The following DIP2A variants were observed in gnomAD, a reference collection of about 807,000 sequenced individuals.
The protein encoded by DIP2A is disco-interacting protein 2 homolog A.
DIP2A carries 85 observed loss-of-function variants against 177.4 expected under a neutral mutation model. The ratio of observed to expected loss-of-function variants is 0.48; its 90% CI spans 0.40 to 0.57. DIP2A has a LOEUF of 0.57. Ranked by LOEUF, DIP2A falls within the 20% of genes least tolerant of loss-of-function variation. The pLI is 0.00. For missense variants in DIP2A, 1,791 were observed against 2,100.2 expected (o/e 0.85, Z 2.88); for synonymous variants, 886 against 881.8 (o/e 1.00, Z -0.08).
chr21:46,502,437 ATTTTTTTT>A (rs36011338), intron 5 of DIP2A, among the ~76,000 whole-genome samples: 4 of 44,834 alleles, frequency 8.9e-5, no homozygotes, highest in Non-Finnish European at 1.1e-4. Context: ...GCTAGTGTTG[ATTTTTTTT>A]TTTTTTTTTT....
intron 8 of DIP2A, among the ~76,000 whole-genome samples, chr21:46,517,844 A>T (rs931788433): frequency 6.6e-6 from 1 of 152,240 alleles, no homozygotes; most frequent in Non-Finnish European, 1.5e-5. Context: ...ATCCCTGAAC[A>T]TGGACAGCGT....
chr21:46,528,783 C>A (rs1006217843), intron 8 of DIP2A, among the ~76,000 whole-genome samples: 1 of 151,872 alleles, frequency 6.6e-6, no homozygotes. Flanking sequence ...CTGCCTCGTC[C>A]TTCCAAAGTA....
chr21:46,538,555 G>C lies in DIP2A; in HGVS notation c.1874G>C (p.Ser625Thr), dbSNP rs770033392. 1 of 1,565,294 alleles carries C rather than the reference G, an allele frequency of 6.4e-7. No homozygotes were observed. Among genetic ancestry groups the C allele is most frequent in the Non-Finnish European group, 8.6e-7 (1 of 1,157,222 alleles). The change falls in exon 16 of 38, where the codon AGC (serine) becomes ACC (threonine). Residue 625 changes from serine (S) to threonine (T), a missense_variant. Coordinates refer to ENST00000417564, the MANE Select transcript of DIP2A (RefSeq NM_015151.4). ...LLAQRGQRDV[S>T]LSSLRMLIVA... Reference sequence around the variant, plus strand: ...GCTCAGCGGGGCCAGAGGGACGTCAGCCTCAGCTCACTGCGCATGCTGATT... The same window carrying C: ...GCTCAGCGGGGCCAGAGGGACGTCACCCTCAGCTCACTGCGCATGCTGATT...
At chr21:46,579,520 C>G in the DIP2A span, among the ~76,000 whole-genome samples, 2 of 151,734 alleles carry the variant, frequency 1.3e-5, no homozygotes, top group Non-Finnish European at 1.5e-5. Flanking sequence ...GCTCTTGGTT[C>G]TCTAGTTCTT....
At chr21:46,551,985 G>T in intron 25 of DIP2A, 81 bp downstream of exon 25, 1 of 1,451,540 alleles carries the variant, frequency 6.9e-7, no homozygotes, top group Non-Finnish European at 9.3e-7. Flanking sequence ...CATGGTGCCA[G>T]TGTCCTGGTT....
At chr21:46,546,816 C>A (rs1439432339) in intron 20 of DIP2A, 99 bp from the exon 21 acceptor site, 12 of 1,410,486 alleles carry the variant, frequency 8.5e-6, no homozygotes, top group Non-Finnish European at 1.2e-5. Context: ...CTAGAGGCTC[C>A]TGTGCTGTTG....
Position 46,498,452 on chromosome 21 carries a change from T to C in DIP2A, c.404-130T>C. On this transcript the variant is annotated intron_variant, in intron 4 of 37. Transcript: ENST00000417564. The surrounding 1 kb of genome is among the most constrained non-coding windows in gnomAD (Gnocchi z 4.3). Reference sequence around the variant, plus strand: ...GACCTTTGAGCTGACTGCGTGGCTTTGGGCAGAGCTGTGCCAGGTGTACAG... The same window carrying C: ...GACCTTTGAGCTGACTGCGTGGCTTCGGGCAGAGCTGTGCCAGGTGTACAG... 2 of 1,152,790 alleles carry C rather than the reference T, an allele frequency of 1.7e-6. No homozygotes were observed. Among genetic ancestry groups the C allele is most frequent in the Non-Finnish European group, 2.5e-6 (2 of 814,792 alleles). 71.4% of individuals were successfully genotyped at this position (1,152,790 alleles called of 1,614,324 possible).
intron 13 of DIP2A, among the ~76,000 whole-genome samples, chr21:46,536,831 G>A (rs2059593664): frequency 6.6e-6 from 1 of 151,898 alleles, no homozygotes. Context: ...TTGAACCTGG[G>A]AGGCGGAGGT....
chr21:46,550,179 A>G, intron 22 of DIP2A: 1 of 796,662 alleles, frequency 1.3e-6, no homozygotes, highest in South Asian at 2.1e-5. Flanking sequence ...TTTGAAATGT[A>G]CATTATTATA....
At chr21:46,562,467 C>G (rs574827640) in intron 34 of DIP2A, among the ~76,000 whole-genome samples, 8 of 152,304 alleles carry the variant, frequency 5.3e-5, no homozygotes, top group African/African-American at 1.9e-4. Flanking sequence ...GCTTGGCCAC[C>G]CTGACTCCGT....
intron 21 of DIP2A, among the ~76,000 whole-genome samples, chr21:46,549,039 A>C (rs1176885968): frequency 2.0e-5 from 3 of 152,374 alleles, no homozygotes; most frequent in Non-Finnish European, 4.4e-5. Flanking sequence ...GTTTTGGTCA[A>C]GATACTAAGA....
At chr21:46,494,228 TG>T (rs373871029) in intron 3 of DIP2A, among the ~76,000 whole-genome samples, 58 of 152,348 alleles carry the variant, frequency 3.8e-4, no homozygotes, top group African/African-American at 1.4e-3. Flanking sequence ...ACATTGCAGT[TG>T]GTTGGTAAGT....
chr21:46,459,095 G>T lies in DIP2A; in HGVS notation c.-37G>T. ...GCGCTGCCGCCGCCAGGCCCGGTCC[G>T]GTTCCAGCCTCTGCCCGGACGCTAG... On this transcript the variant is annotated 5_prime_UTR_variant, in exon 1 of 38. Coordinates refer to ENST00000417564, the MANE Select transcript of DIP2A (RefSeq NM_015151.4). 7.0e-7 allele frequency: 1 copy of T among 1,427,382 alleles called. No homozygotes were observed. The highest frequency in any genetic ancestry group is 9.1e-7 in the Non-Finnish European group (1 of 1,093,866). The allele number at this position is 1,427,382 out of a possible 1,614,324, so 88.4% of individuals were successfully genotyped here.
At chr21:46,495,962 C>T (rs2057335622) in intron 3 of DIP2A, among the ~76,000 whole-genome samples, 1 of 151,926 alleles carries the variant, frequency 6.6e-6, no homozygotes, top group African/African-American at 2.4e-5. Context: ...ATCCCAGCTC[C>T]TCGGGAGGCT....
chr21:46,516,251 G>T (rs2058567160), intron 8 of DIP2A, among the ~76,000 whole-genome samples: 1 of 152,012 alleles, frequency 6.6e-6, no homozygotes, highest in African/African-American at 2.4e-5. Context: ...TGAATCTGTA[G>T]AATGGTGTCT....
At chr21:46,551,228 C>A (rs1023755432) in intron 23 of DIP2A, among the ~76,000 whole-genome samples, 1 of 152,122 alleles carries the variant, frequency 6.6e-6, no homozygotes, top group Non-Finnish European at 1.5e-5. Context: ...TTTTTCATTT[C>A]TTTGGTCCTG....
At chr21:46,527,250 A>AT (rs1345861628) in intron 8 of DIP2A, among the ~76,000 whole-genome samples, 4 of 149,850 alleles carry the variant, frequency 2.7e-5, no homozygotes, top group African/African-American at 9.8e-5. Flanking sequence ...TCAGTTTGAA[A>AT]TTCTTTATGC....
chr21:46,460,426 C>T (rs2054195945), intron 1 of DIP2A, among the ~76,000 whole-genome samples: 1 of 152,168 alleles, frequency 6.6e-6, no homozygotes, highest in Non-Finnish European at 1.5e-5. Flanking sequence ...TTTTTGAGAT[C>T]TAAATGCATT....
intron 8 of DIP2A, among the ~76,000 whole-genome samples, chr21:46,521,892 C>G (rs902895669): frequency 6.6e-6 from 1 of 152,166 alleles, no homozygotes; most frequent in South Asian, 2.1e-4. Context: ...AAAAAAAATC[C>G]ACATTCCCAT....
Sources: allele counts gnomAD v4.1 joint callset (sites outside exome capture counted in the v4.1 genomes callset), GRCh38; gene constraint gnomAD v4.1.1; non-coding constraint Gnocchi (gnomAD v3.1); transcripts MANE v1.5; gene names NCBI Gene and HGNC (gene_info 2026-07-23, HGNC 2026-07-21).